Variants in TAFA1 observed in about 807,000 individuals in gnomAD.
TAFA1 encodes the protein TAFA chemokine like family member 1.
In TAFA1, 4 loss-of-function variants were observed where a neutral mutation model predicts 18.5. That is an observed-to-expected ratio of 0.22 (90% CI 0.11 to 0.49). The LOEUF (loss-of-function observed/expected upper bound fraction) is 0.49. TAFA1 is among the 20% of genes least tolerant of loss of function. The pLI is 0.98. For missense variants in TAFA1, 147 were observed against 169.0 expected (o/e 0.87, Z 0.72); for synonymous variants, 56 against 55.2 (o/e 1.01, Z -0.06).
At chr3:68,271,836 T>TCTCACA (rs1247651459) in intron 2 of TAFA1, among the ~76,000 whole-genome samples, 1 of 129,224 alleles carries the variant, frequency 7.7e-6, no homozygotes, top group Non-Finnish European at 1.7e-5. Context: ...TCTCTCTCTC[T>TCTCACA]CACACACACA....
rs148254110 is a variant in TAFA1, at chr3:68,488,349, C to T, written c.260-50407C>T. ...CTTCTGTCTGCTTTTATTCTAGCCA[C>T]GCTGGCAGCTGATTAGATGGTGCCC... On this transcript the variant is annotated intron_variant, in intron 3 of 4. Transcript: ENST00000478136. 3.4e-3 allele frequency among the ~76,000 whole-genome samples: 524 copies of T among 152,292 alleles called. 3 individuals carry two copies. Among genetic ancestry groups the T allele is most frequent in the African/African-American group, 0.012 (484 of 41,566 alleles).
chr3:68,506,869 A>C (rs930576893), intron 3 of TAFA1, among the ~76,000 whole-genome samples: 1 of 152,112 alleles, frequency 6.6e-6, no homozygotes, highest in African/African-American at 2.4e-5. Flanking sequence ...AGGCAGCCAC[A>C]GTGCAAATGA....
intron 2 of TAFA1, among the ~76,000 whole-genome samples, chr3:68,103,395 G>C (rs892560148): frequency 1.7e-4 from 26 of 152,306 alleles, no homozygotes; most frequent in African/African-American, 5.8e-4. Flanking sequence ...ATATGTCACA[G>C]TAATTCCAGC....
chr3:68,538,698 T>G, intron 3 of TAFA1, 58 bp from the exon 4 acceptor site: 1 of 1,586,168 alleles, frequency 6.3e-7, no homozygotes, highest in Non-Finnish European at 8.6e-7. Context: ...GGACACAACG[T>G]CAGTGTTCAG....
At chr3:68,538,926 C>T in intron 4 of TAFA1, 46 bp downstream of exon 4, 1 of 1,601,946 alleles carries the variant, frequency 6.2e-7, no homozygotes, top group Non-Finnish European at 8.5e-7. Context: ...ACAGACTGTA[C>T]TATTTGAGTT....
intron 2 of TAFA1, among the ~76,000 whole-genome samples, chr3:68,313,525 C>T (rs186375772): frequency 3.9e-4 from 59 of 152,256 alleles, no homozygotes; most frequent in Non-Finnish European, 6.5e-4. Flanking sequence ...CATCTACCCC[C>T]GCAAAGTTGT....
intron 2 of TAFA1, among the ~76,000 whole-genome samples, chr3:68,201,110 T>C (rs549631154): frequency 2.6e-4 from 40 of 151,834 alleles, no homozygotes; most frequent in African/African-American, 9.6e-4. Context: ...TATTTTAAAA[T>C]TTATCTTGAG....
At chr3:68,229,363 G>T (rs1034068305) in intron 2 of TAFA1, among the ~76,000 whole-genome samples, 2 of 152,130 alleles carry the variant, frequency 1.3e-5, no homozygotes, top group African/African-American at 4.8e-5. Context: ...TTCTTGCTAA[G>T]ATATCTTATT....
intron 2 of TAFA1, among the ~76,000 whole-genome samples, chr3:68,397,638 C>T (rs2070409547): frequency 1.3e-5 from 2 of 150,870 alleles, no homozygotes; most frequent in African/African-American, 4.8e-5. Flanking sequence ...GTGCATATGT[C>T]TTTATAATAG....
chr3:68,262,246 TA>T (rs1351514980), intron 2 of TAFA1, among the ~76,000 whole-genome samples: 3 of 145,064 alleles, frequency 2.1e-5, no homozygotes, highest in South Asian at 2.2e-4. Flanking sequence ...ACCCAAACCC[TA>T]AGTCCTGGGT....
intron 2 of TAFA1, among the ~76,000 whole-genome samples, chr3:68,063,438 G>A (rs372335771): frequency 2.5e-4 from 38 of 152,228 alleles, no homozygotes; most frequent in African/African-American, 7.7e-4. Flanking sequence ...AAAAGTTTGC[G>A]CATGGACAAG....
chr3:68,074,469 C>G (rs2064799488), intron 2 of TAFA1, among the ~76,000 whole-genome samples: 1 of 152,126 alleles, frequency 6.6e-6, no homozygotes. Context: ...GCTCTATGAC[C>G]TTGGGCAAAT....
At chr3:68,031,346 C>T (rs1187253522) in intron 2 of TAFA1, among the ~76,000 whole-genome samples, 1 of 152,146 alleles carries the variant, frequency 6.6e-6, no homozygotes, top group Non-Finnish European at 1.5e-5. Flanking sequence ...TTATTTCATT[C>T]TACAAACATT....
chr3:68,153,830 C>T lies in TAFA1; in HGVS notation c.118+147086C>T, dbSNP rs530659185. ...TGCCTTTTTTCATTGCTATTGCCTA[C>T]GTGTTGCTTAGATTGCTGCGTGAAA... On this transcript the variant is annotated intron_variant, in intron 2 of 4. Transcript: ENST00000478136. Among the ~76,000 whole-genome samples, 8 of 152,212 alleles carry T rather than the reference C, an allele frequency of 5.3e-5. No individual in the cohort carries two copies. In the East Asian group the frequency reaches 5.8e-4, roughly 11 times the overall value.
At chr3:68,364,663 A>G (rs1303383486) in intron 2 of TAFA1, among the ~76,000 whole-genome samples, 1 of 152,184 alleles carries the variant, frequency 6.6e-6, no homozygotes, top group African/African-American at 2.4e-5. Flanking sequence ...TAGACTATAT[A>G]TTCTTCAATT....
chr3:68,494,991 A>C (rs2072519644), intron 3 of TAFA1, among the ~76,000 whole-genome samples: 1 of 152,228 alleles, frequency 6.6e-6, no homozygotes, highest in African/African-American at 2.4e-5. Context: ...AGATTAAGAG[A>C]CAACTAGAGT....
intron 3 of TAFA1, among the ~76,000 whole-genome samples, chr3:68,530,282 T>A (rs1022184): frequency 0.19 from 28,221 of 152,216 alleles, 3,154 homozygotes; most frequent in South Asian, 0.36. Flanking sequence ...AAATGCCTCA[T>A]GAGTGAACAA....
chr3:67,996,666 G>T, the TAFA1 span, among the ~76,000 whole-genome samples: 1 of 152,064 alleles, frequency 6.6e-6, no homozygotes, highest in African/African-American at 2.4e-5. Context: ...AGGTGTGGTG[G>T]TCTGTGCCTA....
intron 2 of TAFA1, among the ~76,000 whole-genome samples, chr3:68,185,829 T>A (rs1283171346): frequency 6.6e-6 from 1 of 152,038 alleles, no homozygotes; most frequent in Non-Finnish European, 1.5e-5. Flanking sequence ...GGAGGATCCC[T>A]TGAACCCAGG....
Sources: gnomAD v4.1 joint callset for allele counts (sites outside exome capture counted in the v4.1 genomes callset) on GRCh38, gnomAD v4.1.1 for gene constraint, MANE v1.5 for transcripts, NCBI Gene and HGNC (gene_info 2026-07-23, HGNC 2026-07-21) for gene names.